HSPG2: variants seen among roughly 807,000 people sequenced by gnomAD.
HSPG2 encodes the protein basement membrane-specific heparan sulfate proteoglycan core protein.
Under a neutral mutation model 526.6 loss-of-function variants are expected in HSPG2, and 278 were observed. That is an observed-to-expected ratio of 0.53 (90% CI 0.48 to 0.58). HSPG2 has a LOEUF of 0.58. HSPG2 is among the 20% of genes least tolerant of loss of function. The pLI is 0.00. For missense variants in HSPG2, 5,354 were observed against 6,099.5 expected, an observed-to-expected ratio of 0.88 and a Z score of 4.07; for synonymous variants, 2,465 against 2,555.4, an observed-to-expected ratio of 0.96 and a Z score of 1.07.
intron 1 of HSPG2, among the ~76,000 whole-genome samples, chr1:21,922,749 G>A (rs1320478808): frequency 1.3e-5 from 2 of 152,166 alleles, no homozygotes; most frequent in African/African-American, 4.8e-5. Flanking sequence ...CTCCCAGCTA[G>A]AGAATTCCCT....
Position 21,872,527 on chromosome 1 carries a change from C to G in HSPG2, c.4029+93G>C, listed in dbSNP as rs1286343953. The G allele has an allele frequency of 1.4e-6, 2 of 1,480,462 alleles. No individual in the cohort carries two copies. Among genetic ancestry groups the G allele is most frequent in the African/African-American group, 1.4e-5 (1 of 71,592 alleles). 91.7% of individuals were successfully genotyped at this position (1,480,462 alleles called of 1,614,324 possible). On this transcript the variant is annotated intron_variant, in intron 32 of 96. Coordinates refer to ENST00000374695, the MANE Select transcript of HSPG2 (RefSeq NM_005529.7). This position sits in a 1 kb window ranked among gnomAD's most constrained non-coding sequence, Gnocchi z 5.5. ...ATGGGGGCATGTGAGGGTACTGAGG[C>G]GGGGATGAGGGTCGCTGGGCTCAGT...
At position 21,898,880 on chromosome 1, in the gene HSPG2, G is replaced by A. The variant is rs141061782; in HGVS notation, c.64-2570C>T. Among the ~76,000 whole-genome samples the A allele has an allele frequency of 0.013, 1,944 of 152,326 alleles. 20 individuals are homozygous for A. Among genetic ancestry groups the A allele is most frequent in the Non-Finnish European group, 0.018 (1,228 of 68,018 alleles). ...TGCCGTCTGGAAAGGAAAACCTAGC[G>A]GTGAATGATGAGCAAGGTCCAGAGC... is the stretch of plus-strand genomic sequence containing the variant. On this transcript the variant is annotated intron_variant, in intron 1 of 96. Transcript: ENST00000374695. The surrounding 1 kb of genome is among the most constrained non-coding windows in gnomAD (Gnocchi z 4.0).
intron 1 of HSPG2, chr1:21,908,041 T>C (rs1643470174): frequency 1.4e-6 from 1 of 724,634 alleles, no homozygotes; most frequent in Non-Finnish European, 2.5e-6. Flanking sequence ...TGGTGAATGT[T>C]CTATAAGTGT....
chr1:21,882,397 A>G (rs1641583170), intron 13 of HSPG2, among the ~76,000 whole-genome samples: 1 of 123,586 alleles, frequency 8.1e-6, no homozygotes, highest in Non-Finnish European at 1.7e-5. Flanking sequence ...ACCCTCTTCT[A>G]TGTACACACA....
At chr1:21,860,286 C>T in intron 39 of HSPG2, 51 bp from the exon 40 acceptor site, 1 of 1,549,040 alleles carries the variant, frequency 6.5e-7, no homozygotes, top group African/African-American at 1.4e-5. Context: ...GGCCCCAGTG[C>T]CTCATGGTGG....
intron 6 of HSPG2, 40 bp from the exon 7 acceptor site, chr1:21,888,106 A>C (rs1343685573): frequency 6.2e-7 from 1 of 1,612,362 alleles, no homozygotes; most frequent in Admixed American, 1.7e-5. Context: ...CAGAGGCGGC[A>C]GGAGGCAGGT....
At chr1:21,845,532 C>CCA (rs1638357828) in intron 64 of HSPG2, among the ~76,000 whole-genome samples, 1 of 152,032 alleles carries the variant, frequency 6.6e-6, no homozygotes, top group South Asian at 2.1e-4. Flanking sequence ...GTAGGCGCCA[C>CCA]CACACCCAGG....
Position 21,827,862 on chromosome 1 carries a change from C to T in HSPG2, c.12589+1G>A, listed in dbSNP as rs1428106064. 4.4e-6 allele frequency: 7 copies of T among 1,580,408 alleles called. No homozygotes were observed. Among genetic ancestry groups the T allele is most frequent in the Non-Finnish European group, 6.0e-6 (7 of 1,163,014 alleles). On this transcript the variant is annotated splice_donor_variant, in intron 91 of 96. Coordinates refer to ENST00000374695, the MANE Select transcript of HSPG2 (RefSeq NM_005529.7). LOFTEE classifies it high-confidence loss of function. ...GGGAGGAGGCCATGGCAAGTACTCA[C>T]CATTGCCCCCGCTGCCTTCAAGATG...
chr1:21,828,459 G>A lies in HSPG2; in HGVS notation c.12238-33C>T, dbSNP rs754259656. On this transcript the variant is annotated intron_variant, in intron 88 of 96. Transcript: ENST00000374695. This position sits in a 1 kb window ranked among gnomAD's most constrained non-coding sequence, Gnocchi z 6.0. ...GACAGGGACACCGAGGGACTAAAGGGGCCTGGGAGGCAGAGACCCAGGTGT... is the reference window on the plus strand; with the variant it reads ...GACAGGGACACCGAGGGACTAAAGGAGCCTGGGAGGCAGAGACCCAGGTGT... The A allele has an allele frequency of 1.2e-6, 2 of 1,607,394 alleles. No homozygotes were observed. Among genetic ancestry groups the A allele is most frequent in the Admixed American group, 3.3e-5 (2 of 59,962 alleles).
In HSPG2 at chr1:21,822,394, G is replaced by C. The variant is rs1418656098; in HGVS notation, c.*922C>G. On this transcript the variant is annotated 3_prime_UTR_variant, in exon 97 of 97. Coordinates refer to ENST00000374695, the MANE Select transcript of HSPG2 (RefSeq NM_005529.7). ...GCTGGATCTTCAGGCTCCTGCAGATGGGGCAGGGTGGTCATATCCCCCTCC... is the reference window on the plus strand; with the variant it reads ...GCTGGATCTTCAGGCTCCTGCAGATCGGGCAGGGTGGTCATATCCCCCTCC... 4 of 641,594 alleles carry C rather than the reference G, an allele frequency of 6.2e-6. No individual in the cohort carries two copies. The highest frequency in any genetic ancestry group is 1.1e-5 in the Non-Finnish European group (4 of 360,232). 39.7% of individuals were successfully genotyped at this position (641,594 alleles called of 1,614,324 possible). A position where few individuals can be genotyped will look rare whatever the true frequency, so the allele number is the denominator to read the frequency against.
chr1:21,894,365 G>A (rs952645367), intron 3 of HSPG2, among the ~76,000 whole-genome samples: 1 of 152,064 alleles, frequency 6.6e-6, no homozygotes, highest in Non-Finnish European at 1.5e-5. Context: ...ACTGCCCTTG[G>A]TCAAGTCTGA....
At chr1:21,914,585 A>G (rs933831474) in intron 1 of HSPG2, among the ~76,000 whole-genome samples, 1 of 152,154 alleles carries the variant, frequency 6.6e-6, no homozygotes, top group Non-Finnish European at 1.5e-5. Flanking sequence ...GAAAGGTAGA[A>G]AAGCGCAGGT....
In HSPG2 at chr1:21,873,372, C is replaced by T; in HGVS notation, c.3793+3G>A. 6.2e-7 allele frequency: 1 copy of T among 1,614,222 alleles called. No individual in the cohort carries two copies. The highest frequency in any genetic ancestry group is 2.2e-5 in the East Asian group (1 of 44,884). ...CCCCAATGACCTCCCCAATCCTACTCACTCTGGCATGGCTGGCCCTGGCTG... is the reference window on the plus strand; with the variant it reads ...CCCCAATGACCTCCCCAATCCTACTTACTCTGGCATGGCTGGCCCTGGCTG... On this transcript the variant is annotated splice_donor_region_variant and intron_variant, in intron 30 of 96. Coordinates refer to ENST00000374695, the MANE Select transcript of HSPG2 (RefSeq NM_005529.7).
chr1:21,896,412 G>A, intron 1 of HSPG2, 102 bp from the exon 2 acceptor site: 1 of 1,385,894 alleles, frequency 7.2e-7, no homozygotes, highest in Non-Finnish European at 1.0e-6. Context: ...CCACCTTCAG[G>A]CCCCTTAGTG....
intron 1 of HSPG2, among the ~76,000 whole-genome samples, chr1:21,917,482 TAAAA>T (rs1026445786): frequency 7.4e-6 from 1 of 134,948 alleles, no homozygotes; most frequent in African/African-American, 2.8e-5. Context: ...AATAAATAAA[TAAAA>T]ATAAAAGACA....
intron 14 of HSPG2, among the ~76,000 whole-genome samples, 196 bp downstream of exon 14, chr1:21,881,143 G>A (rs1317935214): frequency 6.6e-6 from 1 of 152,204 alleles, no homozygotes; most frequent in Non-Finnish European, 1.5e-5. Flanking sequence ...GAGGAGGGGA[G>A]GCCAGCTCTT....
intron 39 of HSPG2, among the ~76,000 whole-genome samples, chr1:21,861,188 A>G (rs980582588): frequency 6.6e-6 from 1 of 152,166 alleles, no homozygotes; most frequent in Non-Finnish European, 1.5e-5. Context: ...TCACTCCATT[A>G]TCTCCAACAC....
In HSPG2 at chr1:21,888,041, C is replaced by T. The variant is rs1320906446; in HGVS notation, c.600G>A (p.Thr200=). Residue 200 remains threonine (T), a synonymous_variant, in exon 7 of 97, where the codon ACG becomes ACA. Transcript: ENST00000374695. ...AGCTGTGGCAGGCAAACTCGGCCTC[C>T]GTGCAGGCTCTTGGGAACTGGGGCA... ...GTVPQFPRAC[T]EAEFACHSYN... is the part of the protein sequence containing the mutation. 6.8e-6 allele frequency: 11 copies of T among 1,614,036 alleles called. No homozygotes were observed. The highest frequency in any genetic ancestry group is 5.3e-5 in the African/African-American group (4 of 74,942).
Position 21,857,294 on chromosome 1 carries a change from G to A in HSPG2, c.5385C>T (p.Ala1795=). 1 of 1,613,990 alleles carries A rather than the reference G, an allele frequency of 6.2e-7. No homozygotes were observed. The highest frequency in any genetic ancestry group is 1.3e-5 in the African/African-American group (1 of 75,008). Residue 1795 remains alanine (A), a synonymous_variant, in exon 43 of 97, where the codon GCC becomes GCT. Transcript: ENST00000374695. ...TCCCTGACCTGCACACCTTGCTTTTGGCTGTGCAGATGAAGGTGACGTCAG... is the reference window on the plus strand; with the variant it reads ...TCCCTGACCTGCACACCTTGCTTTTAGCTGTGCAGATGAAGGTGACGTCAG... ...PGADVTFICT[A]KSKSPAYTLV...
Sources: allele counts gnomAD v4.1 joint callset (sites outside exome capture counted in the v4.1 genomes callset), GRCh38; gene constraint gnomAD v4.1.1; non-coding constraint Gnocchi (gnomAD v3.1); transcripts MANE v1.5; gene names NCBI Gene and HGNC (gene_info 2026-07-23, HGNC 2026-07-21).